Variants in POMT2 observed in about 807,000 individuals in gnomAD.
POMT2 encodes protein O-mannosyl-transferase 2.
A neutral mutation model predicts 100.0 loss-of-function variants in POMT2; 75 were observed. That is an observed-to-expected ratio of 0.75 (90% CI 0.62 to 0.91). The LOEUF (loss-of-function observed/expected upper bound fraction) is 0.91. Ranked by LOEUF, POMT2 falls within the 40% of genes least tolerant of loss-of-function variation. The pLI, the probability that POMT2 is intolerant of heterozygous loss-of-function variation, is 0.00. For synonymous variants in POMT2, 378 were observed against 374.1 expected (o/e 1.01, Z -0.12); for missense variants, 940 against 955.1 (o/e 0.98, Z 0.21).
chr14:77,320,473 G>A lies in POMT2; in HGVS notation c.209C>T (p.Ala70Val), dbSNP rs1891834567. 3.9e-6 allele frequency: 6 copies of A among 1,545,380 alleles called. No individual in the cohort carries two copies. Among genetic ancestry groups the A allele is most frequent in the Admixed American group, 2.0e-5 (1 of 51,150 alleles). Reference sequence around the variant, plus strand: ...CTCGTCCAAGCGGTGGAAGCGGGTGGCGAAGGACAGCAGCGTCACCAAGGC... The same window carrying A: ...CTCGTCCAAGCGGTGGAAGCGGGTGACGAAGGACAGCAGCGTCACCAAGGC... ...LLALVTLLSF[A>V]TRFHRLDEPP... Residue 70 changes from alanine (A) to valine (V), a missense_variant, in exon 1 of 21, where the codon GCC (alanine) becomes GTC (valine). Coordinates refer to ENST00000261534, the MANE Select transcript of POMT2 (RefSeq NM_013382.7).
intron 12 of POMT2, among the ~76,000 whole-genome samples, chr14:77,286,307 A>G (rs1325457876): frequency 1.3e-5 from 2 of 152,248 alleles, no homozygotes; most frequent in African/African-American, 2.4e-5. Context: ...GTAGTAAAAT[A>G]CAAAAGCTAT....
intron 15 of POMT2, 54 bp downstream of exon 15, chr14:77,283,743 C>A: frequency 1.4e-6 from 2 of 1,464,244 alleles, no homozygotes; most frequent in Non-Finnish European, 1.9e-6. Flanking sequence ...GATCCAAATT[C>A]ATGGCTGCCC....
At chr14:77,311,880 A>C in intron 2 of POMT2, 69 bp downstream of exon 2, 2 of 1,569,470 alleles carry the variant, frequency 1.3e-6, no homozygotes, top group Non-Finnish European at 1.7e-6. Flanking sequence ...ATCCAAAATC[A>C]AGATGTGGCT....
chr14:77,318,942 G>C (rs1420184028), intron 1 of POMT2, among the ~76,000 whole-genome samples: 1 of 152,104 alleles, frequency 6.6e-6, no homozygotes, highest in Non-Finnish European at 1.5e-5. Flanking sequence ...CACCATGTTG[G>C]CCAGGTTGGT....
intron 11 of POMT2, chr14:77,287,042 G>C: frequency 1.1e-6 from 1 of 917,658 alleles, no homozygotes; most frequent in Middle Eastern, 3.9e-4. Flanking sequence ...CAGATGGTAG[G>C]AGCACTGGAC....
intron 9 of POMT2, 192 bp from the exon 10 acceptor site, chr14:77,291,572 C>A: frequency 1.4e-6 from 1 of 698,804 alleles, no homozygotes; most frequent in African/African-American, 1.8e-5. Context: ...GAGATTCTCT[C>A]CTTCCTTCTG....
At chr14:77,280,133 A>G in intron 16 of POMT2, 53 bp from the exon 17 acceptor site, 1 of 1,612,760 alleles carries the variant, frequency 6.2e-7, no homozygotes, top group Non-Finnish European at 8.5e-7. Context: ...CCTCGGCCAC[A>G]CCCATTAGGG....
At position 77,278,475 on chromosome 14, in the gene POMT2, G is replaced by A; in HGVS notation, c.2066C>T (p.Ala689Val). ...ILWDTLLRLC[A>V]WGLASWPLAR... is the part of the protein sequence containing the mutation. ...CAGGGGCCATGAGGCCAAGCCCCAG[G>A]CACAGAGCCGCAGGAGGGTGTCCCA... The change falls in exon 20 of 21, where the codon GCC becomes GTC. Residue 689 changes from alanine (A) to valine (V), a missense_variant. Transcript: ENST00000261534. 1 of 1,499,174 alleles carries A rather than the reference G, an allele frequency of 6.7e-7. No homozygotes were observed. The highest frequency in any genetic ancestry group is 1.4e-5 in the African/African-American group (1 of 72,052). The allele number at this position is 1,499,174 out of a possible 1,614,324, so 92.9% of individuals were successfully genotyped here. A position where few individuals can be genotyped will look rare whatever the true frequency, so the allele number is the denominator to read the frequency against.
chr14:77,280,462 C>T lies in POMT2; in HGVS notation c.1655G>A (p.Gly552Glu). 1.2e-6 allele frequency: 2 copies of T among 1,614,204 alleles called. No individual in the cohort carries two copies. Among genetic ancestry groups the T allele is most frequent in the Non-Finnish European group, 1.7e-6 (2 of 1,180,046 alleles). Residue 552 changes from glycine (G) to glutamate (E), a missense_variant and splice_region_variant, in exon 16 of 21, where the codon GGG becomes GAG. Transcript: ENST00000261534. ...LLESHMVMIR[G>E]NSGLKPKDNE... ...GTCCTTGGGTTTGAGGCCACTGTTC[C>T]CCTGCATGAAGGTAGCAAAGAAAGC...
At position 77,279,943 on chromosome 14, in the gene POMT2, G is replaced by C. The variant is rs772531568; in HGVS notation, c.1786-15C>G. On this transcript the variant is annotated splice_polypyrimidine_tract_variant and intron_variant, in intron 17 of 20. Coordinates refer to ENST00000261534, the MANE Select transcript of POMT2 (RefSeq NM_013382.7). ...CACCAAACCACCTGTGCAGAAATGG[G>C]AATGGGCAGATGAGAACGCAGCCGC... The C allele has an allele frequency of 1.2e-6, 2 of 1,614,182 alleles. No homozygotes were observed. Among genetic ancestry groups the C allele is most frequent in the Non-Finnish European group, 1.7e-6 (2 of 1,180,012 alleles).
In POMT2 at chr14:77,304,788, G is replaced by T; in HGVS notation, c.451C>A (p.Leu151Ile). ...YMGMRGFCAF[L>I]GSWLVPFAYL... ...GCAAAGGGGACCAGCCAGGAGCCAA[G>T]GAATGCACAGAACTGTGGGAGGAAT... The change falls in exon 4 of 21, where the codon CTT becomes ATT. Residue 151 changes from leucine to isoleucine, a missense_variant. Leu to Ile is a conservative substitution (Grantham distance 5). Transcript: ENST00000261534. 1 of 1,593,034 alleles carries T rather than the reference G, an allele frequency of 6.3e-7. No individual in the cohort carries two copies. Among genetic ancestry groups the T allele is most frequent in the South Asian group, 1.1e-5 (1 of 87,064 alleles).
intron 9 of POMT2, among the ~76,000 whole-genome samples, chr14:77,293,556 T>G (rs1165171209): frequency 6.6e-6 from 1 of 152,234 alleles, no homozygotes. Flanking sequence ...ATTTTATAAA[T>G]GCTATGCTTT....
intron 1 of POMT2, among the ~76,000 whole-genome samples, chr14:77,317,653 C>T (rs1239409504): frequency 6.6e-6 from 1 of 152,220 alleles, no homozygotes; most frequent in Non-Finnish European, 1.5e-5. Flanking sequence ...CAGCCATTCT[C>T]AGAAATGGGT....
chr14:77,300,062 T>C (rs1890964911), intron 6 of POMT2: 1 of 215,934 alleles, frequency 4.6e-6, no homozygotes, highest in Non-Finnish European at 9.4e-6. Flanking sequence ...AACTGCCTGC[T>C]TCCTTATTTC....
intron 3 of POMT2, among the ~76,000 whole-genome samples, 162 bp from the exon 4 acceptor site, chr14:77,304,962 A>C (rs1207120774): frequency 5.9e-5 from 9 of 152,236 alleles, no homozygotes; most frequent in Non-Finnish European, 8.8e-5. Flanking sequence ...AGAGTATTGT[A>C]ATAGTGAAGA....
intron 6 of POMT2, chr14:77,300,105 A>G (rs1211014055): frequency 5.0e-6 from 1 of 199,272 alleles, no homozygotes; most frequent in African/African-American, 2.3e-5. Context: ...GGTGGGGACC[A>G]TATTATATTC....
At chr14:77,299,335 G>T (rs1890937869) in intron 7 of POMT2, 120 bp downstream of exon 7, 1 of 872,206 alleles carries the variant, frequency 1.1e-6, no homozygotes, top group Non-Finnish European at 1.9e-6. Context: ...ACAGGAAAAA[G>T]CCCCTGGGGT....
intron 9 of POMT2, among the ~76,000 whole-genome samples, chr14:77,294,463 T>A (rs1023874860): frequency 6.6e-6 from 1 of 152,220 alleles, no homozygotes; most frequent in African/African-American, 2.4e-5. Flanking sequence ...CTGGGATTAC[T>A]GGCACGTGCC....
intron 2 of POMT2, chr14:77,306,802 G>C (rs964486346): frequency 1.0e-5 from 3 of 293,752 alleles, no homozygotes; most frequent in African/African-American, 4.4e-5. Flanking sequence ...CTCTTGGACA[G>C]AGGCTGATTC....
Sources: allele counts gnomAD v4.1 joint callset (sites outside exome capture counted in the v4.1 genomes callset), GRCh38; gene constraint gnomAD v4.1.1; transcripts MANE v1.5; gene names NCBI Gene and HGNC (gene_info 2026-07-23, HGNC 2026-07-21).